Variants in NTM observed in about 807,000 individuals in gnomAD.
NTM encodes IgLON family member 2.
Under a neutral mutation model 42.1 loss-of-function variants are expected in NTM, and 13 were observed. That is an observed-to-expected ratio of 0.31 (90% CI 0.20 to 0.49). The LOEUF is 0.49. NTM is among the 20% of genes least tolerant of loss of function. NTM has a pLI of 0.99. For synonymous variants in NTM, 187 were observed against 179.2 expected (o/e 1.04, Z -0.35); for missense variants, 373 against 452.8 (o/e 0.82, Z 1.60).
intron 3 of NTM, among the ~76,000 whole-genome samples, chr11:132,197,340 A>G (rs1223657992): frequency 6.6e-6 from 1 of 152,164 alleles, no homozygotes; most frequent in Non-Finnish European, 1.5e-5. Context: ...AAATGATTCT[A>G]TTAATAGTTG....
intron 4 of NTM, among the ~76,000 whole-genome samples, chr11:132,245,448 C>T (rs369676644): frequency 6.6e-6 from 1 of 151,966 alleles, no homozygotes; most frequent in Non-Finnish European, 1.5e-5. Flanking sequence ...CTGAGGGGAG[C>T]GTGCACCGGG....
chr11:131,921,400 G>T (rs1024797758), intron 2 of NTM, among the ~76,000 whole-genome samples: 3 of 152,106 alleles, frequency 2.0e-5, no homozygotes, highest in Non-Finnish European at 4.4e-5. Context: ...CCAGCAAGCA[G>T]CCAGGAATTA....
At chr11:131,626,435 T>C (rs1280669279) in intron 1 of NTM, among the ~76,000 whole-genome samples, 1 of 152,230 alleles carries the variant, frequency 6.6e-6, no homozygotes, top group Non-Finnish European at 1.5e-5. Context: ...TGAGGACCTG[T>C]GTGAAATACA....
At chr11:132,092,974 G>A (rs2060541328) in intron 2 of NTM, among the ~76,000 whole-genome samples, 1 of 152,150 alleles carries the variant, frequency 6.6e-6, no homozygotes, top group Non-Finnish European at 1.5e-5. Flanking sequence ...ACCTCAGGCT[G>A]GCCCTGATCC....
chr11:132,111,138 C>CAAAGTTT (rs1255286203), intron 2 of NTM, among the ~76,000 whole-genome samples: 5 of 122,490 alleles, frequency 4.1e-5, no homozygotes, highest in African/African-American at 1.5e-4. Flanking sequence ...AACTATGGTC[C>CAAAGTTT]AAAGTTTAAT....
intron 1 of NTM, among the ~76,000 whole-genome samples, chr11:131,417,830 A>G (rs927534967): frequency 6.6e-6 from 1 of 152,212 alleles, no homozygotes; most frequent in Non-Finnish European, 1.5e-5. Flanking sequence ...TTGATCCACA[A>G]CATGTACTGC....
chr11:132,127,786 T>C (rs530015368), intron 2 of NTM, among the ~76,000 whole-genome samples: 5 of 152,312 alleles, frequency 3.3e-5, no homozygotes, highest in East Asian at 1.9e-4. Context: ...TCATTCATTT[T>C]GTTTTCTGGG....
chr11:131,633,794 A>ACT (rs1299486660), intron 1 of NTM, among the ~76,000 whole-genome samples: 38 of 118,536 alleles, frequency 3.2e-4, no homozygotes, highest in South Asian at 2.9e-3. Flanking sequence ...TCTCTCACAC[A>ACT]CACACACACA....
chr11:131,630,781 C>G (rs1380664246), intron 1 of NTM, among the ~76,000 whole-genome samples: 5 of 152,170 alleles, frequency 3.3e-5, no homozygotes, highest in African/African-American at 1.2e-4. Flanking sequence ...TGTATTGCAG[C>G]TCCAGTCTTT....
At chr11:131,920,956 C>T (rs568812847) in intron 2 of NTM, among the ~76,000 whole-genome samples, 1 of 152,278 alleles carries the variant, frequency 6.6e-6, no homozygotes, top group African/African-American at 2.4e-5. Context: ...CTCTCACATT[C>T]AGAATAATCA....
At chr11:131,732,006 C>T (rs912735128) in intron 1 of NTM, among the ~76,000 whole-genome samples, 1 of 152,176 alleles carries the variant, frequency 6.6e-6, no homozygotes, top group African/African-American at 2.4e-5. Context: ...TCAAATTCAA[C>T]TATCTCTGGC....
chr11:131,500,029 C>T (rs920673715), intron 1 of NTM, among the ~76,000 whole-genome samples: 1 of 152,140 alleles, frequency 6.6e-6, no homozygotes, highest in African/African-American at 2.4e-5. Flanking sequence ...AGTGTGTGGT[C>T]CCCCCATGCC....
intron 2 of NTM, among the ~76,000 whole-genome samples, chr11:132,025,589 C>A (rs1294597965): frequency 6.6e-6 from 1 of 152,110 alleles, no homozygotes; most frequent in Non-Finnish European, 1.5e-5. Flanking sequence ...ACTTTGAGAG[C>A]CACTGTCCTA....
intron 1 of NTM, among the ~76,000 whole-genome samples, chr11:131,672,416 C>T (rs982335434): frequency 5.3e-5 from 8 of 152,190 alleles, no homozygotes; most frequent in Non-Finnish European, 7.3e-5. Context: ...CACGCGTGGG[C>T]GTGTTTGGAT....
chr11:132,098,332 G>A (rs914947274), intron 2 of NTM, among the ~76,000 whole-genome samples: 3 of 152,194 alleles, frequency 2.0e-5, no homozygotes, highest in Non-Finnish European at 2.9e-5. Flanking sequence ...TGCAAAAAAG[G>A]TAGTCCAATA....
At chr11:132,292,932 A>G (rs1273543644) in intron 4 of NTM, among the ~76,000 whole-genome samples, 1 of 152,118 alleles carries the variant, frequency 6.6e-6, no homozygotes, top group Non-Finnish European at 1.5e-5. Flanking sequence ...AGATGCTTAA[A>G]TTAATGCCTT....
chr11:131,467,337 C>A (rs1326164265), intron 1 of NTM, among the ~76,000 whole-genome samples: 1 of 152,164 alleles, frequency 6.6e-6, no homozygotes, highest in Admixed American at 6.5e-5. Context: ...AAATTTCTCT[C>A]ATTCCCATAA....
intron 3 of NTM, among the ~76,000 whole-genome samples, chr11:132,207,431 T>A (rs1403603685): frequency 6.6e-6 from 1 of 152,180 alleles, no homozygotes; most frequent in Non-Finnish European, 1.5e-5. Context: ...GAAAACAAGT[T>A]CAGGGTTTCC....
At chr11:131,498,550 T>G (rs1280953737) in intron 1 of NTM, among the ~76,000 whole-genome samples, 1 of 151,986 alleles carries the variant, frequency 6.6e-6, no homozygotes, top group Non-Finnish European at 1.5e-5. Flanking sequence ...ACGCACACAC[T>G]CACACACATA....
Sources: allele counts gnomAD v4.1 joint callset (sites outside exome capture counted in the v4.1 genomes callset), GRCh38; gene constraint gnomAD v4.1.1; transcripts MANE v1.5; gene names NCBI Gene and HGNC (gene_info 2026-07-23, HGNC 2026-07-21).